MAN1A2: variants seen among roughly 807,000 people sequenced by gnomAD.
MAN1A2 encodes the protein mannosyl-oligosaccharide 1,2-alpha-mannosidase IB.
In MAN1A2, 26 loss-of-function variants were observed where a neutral mutation model predicts 75.7. That is an observed-to-expected ratio of 0.34 (90% CI 0.25 to 0.48). The LOEUF (loss-of-function observed/expected upper bound fraction) is 0.48, where lower values mean the gene tolerates loss of function less well. Among genes scored for constraint, MAN1A2 ranks in the 20% least tolerant of loss-of-function variants. The pLI is 0.99. For synonymous variants in MAN1A2, 247 were observed against 264.6 expected, an observed-to-expected ratio of 0.93 and a Z score of 0.65; for missense variants, 562 against 775.5, an observed-to-expected ratio of 0.72 and a Z score of 3.27.
At chr1:117,439,239 T>C (rs1648947532) in intron 5 of MAN1A2, among the ~76,000 whole-genome samples, 7 of 152,126 alleles carry the variant, frequency 4.6e-5, no homozygotes, top group Admixed American at 4.6e-4. Flanking sequence ...GGGATACATC[T>C]TTGATATAGG....
At chr1:117,518,374 A>G (rs778509840) in intron 12 of MAN1A2, among the ~76,000 whole-genome samples, 24 of 152,190 alleles carry the variant, frequency 1.6e-4, no homozygotes, top group Non-Finnish European at 3.2e-4. Context: ...AAAACATGGT[A>G]ACAGAAAGGG....
At chr1:117,404,820 C>A (rs1011124835) in intron 2 of MAN1A2, among the ~76,000 whole-genome samples, 1 of 151,942 alleles carries the variant, frequency 6.6e-6, no homozygotes, top group Admixed American at 6.6e-5. Context: ...TTTGGGAGGC[C>A]AAAGTGGGCG....
intron 5 of MAN1A2, among the ~76,000 whole-genome samples, chr1:117,426,457 T>G (rs1364637506): frequency 1.3e-5 from 2 of 152,152 alleles, no homozygotes; most frequent in Non-Finnish European, 2.9e-5. Flanking sequence ...TATGATAGGA[T>G]TATGTCCTGA....
chr1:117,441,296 A>T (rs1416594211), intron 5 of MAN1A2, among the ~76,000 whole-genome samples: 1 of 152,162 alleles, frequency 6.6e-6, no homozygotes, highest in Non-Finnish European at 1.5e-5. Context: ...TCTCAACTCA[A>T]AATTTTGATT....
chr1:117,481,644 G>T (rs1159098700), intron 8 of MAN1A2, among the ~76,000 whole-genome samples: 1 of 151,978 alleles, frequency 6.6e-6, no homozygotes, highest in African/African-American at 2.4e-5. Context: ...CTGAAGGCTA[G>T]CTTGGCCCCA....
intron 12 of MAN1A2, among the ~76,000 whole-genome samples, chr1:117,510,719 T>C (rs752571051): frequency 6.6e-6 from 1 of 152,082 alleles, no homozygotes; most frequent in Non-Finnish European, 1.5e-5. Flanking sequence ...ATGTTTGTTG[T>C]TAAGTGCCTG....
chr1:117,486,327 G>A (rs1202255240), intron 8 of MAN1A2, among the ~76,000 whole-genome samples: 2 of 151,938 alleles, frequency 1.3e-5, no homozygotes, highest in Admixed American at 6.6e-5. Context: ...TTATGATTTT[G>A]TGGGATACAT....
intron 1 of MAN1A2, among the ~76,000 whole-genome samples, chr1:117,397,727 G>A (rs1647232219): frequency 7.5e-6 from 1 of 134,172 alleles, no homozygotes; most frequent in Admixed American, 8.4e-5. Context: ...TCTCAGCTTA[G>A]TGAAACCTCC....
At chr1:117,521,753 T>C (rs950593903) in intron 12 of MAN1A2, among the ~76,000 whole-genome samples, 4 of 151,952 alleles carry the variant, frequency 2.6e-5, no homozygotes, top group African/African-American at 7.2e-5. Flanking sequence ...CAGTTCACCA[T>C]TGCAACCCAA....
chr1:117,405,612 A>T lies in MAN1A2; in HGVS notation c.622A>T (p.Ile208Phe). The change falls in exon 3 of 13, where the codon ATT becomes TTT. Residue 208 changes from isoleucine to phenylalanine, a missense_variant. By Grantham distance (21) the Ile-to-Phe change is conservative (BLOSUM62 0). Coordinates refer to ENST00000356554, the MANE Select transcript of MAN1A2 (RefSeq NM_006699.5). ...GTGGGGACATAATGAACTCAGACCT[A>T]TTGCAAGGAAAGGACACTCCCCTAA... ...YGWGHNELRPIARKGHSPNIF... is the reference protein window; with the variant it reads ...YGWGHNELRPFARKGHSPNIF... 1 of 1,607,728 alleles carries T rather than the reference A, an allele frequency of 6.2e-7. No individual in the cohort carries two copies. Among genetic ancestry groups the T allele is most frequent in the Non-Finnish European group, 8.5e-7 (1 of 1,174,354 alleles).
chr1:117,402,899 T>A (rs1356604847), intron 2 of MAN1A2, among the ~76,000 whole-genome samples: 1 of 152,080 alleles, frequency 6.6e-6, no homozygotes, highest in African/African-American at 2.4e-5. Flanking sequence ...TACTGTAGAT[T>A]AAGAACACAT....
At chr1:117,424,814 T>A (rs949764757) in intron 5 of MAN1A2, among the ~76,000 whole-genome samples, 1 of 152,180 alleles carries the variant, frequency 6.6e-6, no homozygotes, top group East Asian at 1.9e-4. Flanking sequence ...CCGGGAAGGA[T>A]GGAATGTTCA....
chr1:117,429,975 G>GT (rs1648553822), intron 5 of MAN1A2, among the ~76,000 whole-genome samples: 3 of 69,712 alleles, frequency 4.3e-5, no homozygotes, highest in African/African-American at 1.2e-4. Context: ...GGCTGGCCGG[G>GT]CGGAGGGCTG....
intron 8 of MAN1A2, among the ~76,000 whole-genome samples, chr1:117,477,025 T>G (rs1464933331): frequency 3.9e-5 from 6 of 151,996 alleles, no homozygotes; most frequent in Non-Finnish European, 7.4e-5. Context: ...GTGTCCTTTC[T>G]TATTTCCTTG....
chr1:117,507,669 T>G (rs928985139), intron 12 of MAN1A2, among the ~76,000 whole-genome samples: 1 of 151,634 alleles, frequency 6.6e-6, no homozygotes, highest in African/African-American at 2.4e-5. Context: ...TAAATACAAG[T>G]CAGCTTGCTT....
At chr1:117,436,708 A>T (rs1169191106) in intron 5 of MAN1A2, among the ~76,000 whole-genome samples, 1 of 152,142 alleles carries the variant, frequency 6.6e-6, no homozygotes, top group Non-Finnish European at 1.5e-5. Context: ...CTATAATGTA[A>T]CCCACTGTGT....
chr1:117,429,931 C>T (rs1488634261), intron 5 of MAN1A2, among the ~76,000 whole-genome samples: 1 of 72,866 alleles, frequency 1.4e-5, no homozygotes, highest in East Asian at 4.3e-4. Flanking sequence ...GTAGGGGCGG[C>T]CGGGCAGAGG....
At chr1:117,373,961 CAA>C (rs766261811) in intron 1 of MAN1A2, among the ~76,000 whole-genome samples, 2 of 151,722 alleles carry the variant, frequency 1.3e-5, no homozygotes, top group African/African-American at 4.8e-5. Flanking sequence ...AGGAAAGAAA[CAA>C]AGGATTATAG....
intron 8 of MAN1A2, among the ~76,000 whole-genome samples, chr1:117,474,786 A>G (rs528252414): frequency 6.6e-6 from 1 of 151,806 alleles, no homozygotes; most frequent in African/African-American, 2.4e-5. Flanking sequence ...TCATGATCAC[A>G]ATCAAAATAG....
Sources: gnomAD v4.1 joint callset for allele counts (sites outside exome capture counted in the v4.1 genomes callset) on GRCh38, gnomAD v4.1.1 for gene constraint, MANE v1.5 for transcripts, NCBI Gene and HGNC (gene_info 2026-07-23, HGNC 2026-07-21) for gene names.